The following LYZL2 variants were observed in gnomAD, a reference collection of about 807,000 sequenced individuals.
LYZL2 encodes lysozyme-like protein 2.
LYZL2 carries 13 observed loss-of-function variants against 17.1 expected under a neutral mutation model. The observed-to-expected ratio is 0.76, with a 90% CI of 0.49 to 1.21. LYZL2 has a LOEUF of 1.21. Among genes scored for constraint, LYZL2 ranks in the 50% most tolerant of loss-of-function variants. LYZL2 has a pLI of 0.00. For synonymous variants in LYZL2, 63 were observed against 74.4 expected (o/e 0.85, Z 0.79); for missense variants, 166 against 189.2 (o/e 0.88, Z 0.72).
chr10:30,614,784 C>T (rs776136382), intron 3 of LYZL2, among the ~76,000 whole-genome samples: 2 of 152,066 alleles, frequency 1.3e-5, no homozygotes, highest in Non-Finnish European at 2.9e-5. Flanking sequence ...AGAGCCTTAA[C>T]GAGGTTTTTA....
At chr10:30,610,934 C>A (rs117914790), downstream of LYZL2, among the ~76,000 whole-genome samples, 55 of 152,202 alleles carry the variant, frequency 3.6e-4, no homozygotes, top group Non-Finnish European at 7.1e-4. Context: ...TGTAGGTACA[C>A]AAATGGTGTC....
downstream of LYZL2, among the ~76,000 whole-genome samples, chr10:30,608,105 G>T (rs188113147): frequency 7.8e-4 from 119 of 152,234 alleles, 1 homozygote; most frequent in South Asian, 0.011. Context: ...ACCACACTTG[G>T]CTAATTTTAA....
chr10:30,628,159 C>CAAA (rs34812106), intron 1 of LYZL2, among the ~76,000 whole-genome samples: 1 of 142,088 alleles, frequency 7.0e-6, no homozygotes, highest in African/African-American at 2.6e-5. Flanking sequence ...GACTCCGCCT[C>CAAA]AAAAAAAAAA....
intron 1 of LYZL2, among the ~76,000 whole-genome samples, chr10:30,628,165 A>G (rs1456875540): frequency 6.6e-6 from 1 of 152,316 alleles, no homozygotes; most frequent in East Asian, 1.9e-4. Flanking sequence ...GCCTCAAAAA[A>G]AAAAAGATTC....
In LYZL2 at chr10:30,614,643, A is replaced by AT. The variant is rs896747088; in HGVS notation, c.299-1744dup. Among the ~76,000 whole-genome samples the AT allele has an allele frequency of 1.0e-3, 154 of 150,718 alleles. 1 individual carries two copies. The highest frequency in any genetic ancestry group is 3.5e-3 in the Middle Eastern group (1 of 288). On this transcript the variant is annotated intron_variant, in intron 3 of 4. Coordinates refer to ENST00000647634, the MANE Select transcript of LYZL2 (RefSeq NM_183058.3). ...ATTACTGCTTGTCAATTATGCAAAG[A>AT]TTTTTTTTTTAAGAGAATTGGGTAA...
At chr10:30,616,495 A>G (rs1033672623) in intron 3 of LYZL2, among the ~76,000 whole-genome samples, 6 of 152,390 alleles carry the variant, frequency 3.9e-5, no homozygotes, top group African/African-American at 1.4e-4. Flanking sequence ...CCATCCTCTC[A>G]AAACAAACAT....
chr10:30,611,039 C>T (rs540728543), downstream of LYZL2, among the ~76,000 whole-genome samples: 3 of 152,180 alleles, frequency 2.0e-5, no homozygotes, highest in East Asian at 5.8e-4. Context: ...CCTAACCCTT[C>T]TGCATGTGTC....
At chr10:30,621,244 T>C (rs185666252) in intron 3 of LYZL2, among the ~76,000 whole-genome samples, 1 of 152,252 alleles carries the variant, frequency 6.6e-6, no homozygotes, top group Non-Finnish European at 1.5e-5. Context: ...ATCACTGGTT[T>C]CCCATCATAC....
At chr10:30,617,125 A>G (rs923180296) in intron 3 of LYZL2, among the ~76,000 whole-genome samples, 1 of 152,096 alleles carries the variant, frequency 6.6e-6, no homozygotes, top group Non-Finnish European at 1.5e-5. Flanking sequence ...CACAGTGAGG[A>G]GGAAGCAGAT....
chr10:30,612,508 C>T lies in LYZL2; in HGVS notation c.377+314G>A, dbSNP rs1838460793. 2.6e-5 allele frequency among the ~76,000 whole-genome samples: 4 copies of T among 152,088 alleles called. No individual in the cohort carries two copies. The South Asian group carries it at 8.3e-4, about 32-fold the overall frequency. On this transcript the variant is annotated intron_variant, in intron 4 of 4. Coordinates refer to ENST00000647634, the MANE Select transcript of LYZL2 (RefSeq NM_183058.3). ...CTAGAGCAAACTCAAGCTTTTTTTT[C>T]CCTCTGGTGAATTGACTCAATTGAC...
At chr10:30,614,858 A>G (rs927069412) in intron 3 of LYZL2, among the ~76,000 whole-genome samples, 1 of 152,224 alleles carries the variant, frequency 6.6e-6, no homozygotes, top group African/African-American at 2.4e-5. Context: ...ACACTAGACA[A>G]ATATTTCTTT....
At chr10:30,620,509 CT>C in intron 3 of LYZL2, among the ~76,000 whole-genome samples, 3 of 152,194 alleles carry the variant, frequency 2.0e-5, no homozygotes, top group Non-Finnish European at 2.9e-5. Flanking sequence ...ATCTCCTTTG[CT>C]ATGTGTCTTT....
intron 3 of LYZL2, among the ~76,000 whole-genome samples, chr10:30,615,587 G>C (rs1838514831): frequency 6.6e-6 from 1 of 152,050 alleles, no homozygotes; most frequent in Non-Finnish European, 1.5e-5. Context: ...GTAATTATGT[G>C]AGGTAATGTT....
Position 30,629,610 on chromosome 10 carries a change from G to T in LYZL2, c.-43C>A. ...GGTCTTACTGAAAAGGCAGATTCCTGGTGCCTGCCGCAGAGGCTGACTTCT... is the reference window on the plus strand; with the variant it reads ...GGTCTTACTGAAAAGGCAGATTCCTTGTGCCTGCCGCAGAGGCTGACTTCT... On this transcript the variant is annotated 5_prime_UTR_variant, in exon 1 of 5. Coordinates refer to ENST00000647634, the MANE Select transcript of LYZL2 (RefSeq NM_183058.3). 1 of 1,614,136 alleles carries T rather than the reference G, an allele frequency of 6.2e-7. No homozygotes were observed. The highest frequency in any genetic ancestry group is 1.7e-5 in the Admixed American group (1 of 60,018).
At chr10:30,620,583 A>G (rs1279629040) in intron 3 of LYZL2, among the ~76,000 whole-genome samples, 2 of 152,238 alleles carry the variant, frequency 1.3e-5, no homozygotes, top group Non-Finnish European at 2.9e-5. Flanking sequence ...GTCAACACAT[A>G]CACTGTGTGT....
chr10:30,607,110 C>G (rs560533549), downstream of LYZL2, among the ~76,000 whole-genome samples: 22 of 151,822 alleles, frequency 1.4e-4, no homozygotes, highest in East Asian at 4.3e-3. Flanking sequence ...CGGGGTTTCA[C>G]CATATTGGCC....
chr10:30,607,100 CG>C (rs1399412832), downstream of LYZL2, among the ~76,000 whole-genome samples: 3 of 116,414 alleles, frequency 2.6e-5, no homozygotes, highest in Non-Finnish European at 5.6e-5. Context: ...TTAGTGGAGA[CG>C]GGGTTTCACC....
chr10:30,616,296 G>A (rs371473935), intron 3 of LYZL2, among the ~76,000 whole-genome samples: 51 of 152,232 alleles, frequency 3.4e-4, no homozygotes, highest in African/African-American at 1.2e-3. Flanking sequence ...AAAATACATC[G>A]TCTATAAGAG....
At chr10:30,607,506 G>T (rs1838390807), downstream of LYZL2, among the ~76,000 whole-genome samples, 1 of 152,118 alleles carries the variant, frequency 6.6e-6, no homozygotes, top group Admixed American at 6.5e-5. Flanking sequence ...GTTACTGGAG[G>T]ATCAGTTTAA....
Sources: allele counts gnomAD v4.1 joint callset (sites outside exome capture counted in the v4.1 genomes callset), GRCh38; gene constraint gnomAD v4.1.1; transcripts MANE v1.5; gene names NCBI Gene and HGNC (gene_info 2026-07-23, HGNC 2026-07-21).